OAS2: variants seen among roughly 807,000 people sequenced by gnomAD.
OAS2 encodes 2'-5'-oligoadenylate synthase 2.
OAS2 carries 67 observed loss-of-function variants against 71.3 expected under a neutral mutation model. The ratio of observed to expected loss-of-function variants is 0.94; its 90% CI spans 0.77 to 1.15. OAS2 has a LOEUF of 1.15. Ranked by LOEUF, OAS2 falls within the 50% of genes most tolerant of loss-of-function variation. The pLI, the probability that OAS2 is intolerant of heterozygous loss-of-function variation, is 0.00. For missense variants in OAS2, 789 were observed against 822.5 expected (o/e 0.96, Z 0.50); for synonymous variants, 327 against 321.8 (o/e 1.02, Z -0.17).
At chr12:112,997,778 T>C in intron 4 of OAS2, 23 bp downstream of exon 4, 1 of 1,483,802 alleles carries the variant, frequency 6.7e-7, no homozygotes, top group Non-Finnish European at 9.1e-7. Flanking sequence ...TCACACCCTA[T>C]CCCTGTACCT....
chr12:113,007,561 G>A (rs971674681), intron 8 of OAS2, 144 bp from the exon 9 acceptor site: 30 of 711,466 alleles, frequency 4.2e-5, no homozygotes, highest in Non-Finnish European at 7.5e-5. Context: ...GACTCCTGTA[G>A]GCTGTACAAT....
In OAS2 at chr12:113,005,030, A is replaced by C; in HGVS notation, c.1276A>C (p.Asn426His). The change falls in exon 7 of 10, where the codon AAC (asparagine) becomes CAC (histidine). Residue 426 changes from asparagine (N) to histidine (H), a missense_variant. Physicochemically the swap from Asn to His is moderately conservative, Grantham distance 68 (BLOSUM62 1). Transcript: ENST00000392583. ...NSLKSYTSQK[N>H]ERHKIVKEIH... The stretch of plus-strand genomic sequence containing the variant: ...ACTTAAAAGCTACACCTCCCAAAAA[A>C]ACGAGCGGCACAAAATCGTCAAGGA... The C allele has an allele frequency of 6.2e-7, 1 of 1,614,172 alleles. No homozygotes were observed. Among genetic ancestry groups the C allele is most frequent in the Non-Finnish European group, 8.5e-7 (1 of 1,180,004 alleles).
Position 112,988,663 on chromosome 12 carries a change from A to C in OAS2, c.448+1355A>C, listed in dbSNP as rs1207377095. 4 of 985,352 alleles carry C rather than the reference A, an allele frequency of 4.1e-6. No individual in the cohort carries two copies. In the Admixed American group the frequency reaches 1.8e-4, roughly 45 times the overall value. The allele number at this position is 985,352 out of a possible 1,614,324, so 61.0% of individuals were successfully genotyped here. ...CCCTACCTTTAGTGAGCACATCTGC[A>C]CATTCCAATTTTAATGACAGCTCCT... On this transcript the variant is annotated intron_variant, in intron 2 of 9. Coordinates refer to ENST00000392583, the MANE Select transcript of OAS2 (RefSeq NM_002535.3).
intron 7 of OAS2, among the ~76,000 whole-genome samples, 186 bp downstream of exon 7, chr12:113,005,408 A>G (rs1037566718): frequency 2.6e-5 from 4 of 152,056 alleles, no homozygotes; most frequent in African/African-American, 9.7e-5. Context: ...CTCTTTTCCA[A>G]GCATGGGGCT....
At chr12:112,999,526 G>A (rs2044265030) in intron 5 of OAS2, among the ~76,000 whole-genome samples, 1 of 152,186 alleles carries the variant, frequency 6.6e-6, no homozygotes, top group South Asian at 2.1e-4. Flanking sequence ...TACCAATCTG[G>A]CATGTAAATG....
At chr12:112,986,330 C>T (rs987249570) in intron 1 of OAS2, among the ~76,000 whole-genome samples, 2 of 152,132 alleles carry the variant, frequency 1.3e-5, no homozygotes, top group African/African-American at 2.4e-5. Context: ...ATGACATGTT[C>T]GGGTGCCAGT....
In OAS2 at chr12:113,006,452, A is replaced by T. The variant is rs1262110876; in HGVS notation, c.1508A>T (p.Tyr503Phe). 1 of 1,597,850 alleles carries T rather than the reference A, an allele frequency of 6.3e-7. No individual in the cohort carries two copies. Among genetic ancestry groups the T allele is most frequent in the Non-Finnish European group, 8.6e-7 (1 of 1,167,804 alleles). Reference sequence around the variant, plus strand: ...GGCTCCACACCCAGCCCCGAGGTTTATGCAGGGCTCATTGATCTGTATAAA... The same window carrying T: ...GGCTCCACACCCAGCCCCGAGGTTTTTGCAGGGCTCATTGATCTGTATAAA... ...SSGSTPSPEVYAGLIDLYKSS... is the reference protein window; with the variant it reads ...SSGSTPSPEVFAGLIDLYKSS... Residue 503 changes from tyrosine to phenylalanine, a missense_variant, in exon 8 of 10, where the codon TAT (tyrosine) becomes TTT (phenylalanine). Tyr to Phe is a conservative substitution (Grantham distance 22, BLOSUM62 3). Transcript: ENST00000392583.
intron 2 of OAS2, among the ~76,000 whole-genome samples, chr12:112,994,248 C>T (rs1312993457): frequency 1.3e-5 from 2 of 152,130 alleles, no homozygotes; most frequent in Non-Finnish European, 2.9e-5. Context: ...TTTAGTCTGT[C>T]AGGGAGAAGG....
At chr12:112,997,345 C>G (rs1057038152) in intron 3 of OAS2, among the ~76,000 whole-genome samples, 175 bp from the exon 4 acceptor site, 1 of 152,120 alleles carries the variant, frequency 6.6e-6, no homozygotes, top group Non-Finnish European at 1.5e-5. Flanking sequence ...GGTCCCTGCT[C>G]CATCCCAGTT....
chr12:113,009,968 A>G lies in OAS2; in HGVS notation c.*713A>G. ...TTTAAAGCAGGATTTCTCAACTTTG[A>G]TACTTACTCACATTTGGGGCTAGAC... On this transcript the variant is annotated 3_prime_UTR_variant, in exon 10 of 10. Transcript: ENST00000392583. 2.0e-6 allele frequency: 2 copies of G among 985,300 alleles called. No homozygotes were observed. Among genetic ancestry groups the G allele is most frequent in the Non-Finnish European group, 2.4e-6 (2 of 829,412 alleles). 61.0% of individuals were successfully genotyped at this position (985,300 alleles called of 1,614,324 possible).
Position 112,997,697 on chromosome 12 carries a change from T to C in OAS2, c.805T>C (p.Tyr269His), listed in dbSNP as rs761414133. Residue 269 changes from tyrosine (Y) to histidine (H), a missense_variant, in exon 4 of 10, where the codon TAC becomes CAC. By Grantham distance (83) the Tyr-to-His change is moderately conservative (BLOSUM62 2). Coordinates refer to ENST00000392583, the MANE Select transcript of OAS2 (RefSeq NM_002535.3). ...GCTGTGTATCTATTGGATGGTCAACTACAACTTTGAAGATGAGACCATCAG... is the reference window on the plus strand; with the variant it reads ...GCTGTGTATCTATTGGATGGTCAACCACAACTTTGAAGATGAGACCATCAG... The part of the protein sequence containing the change: ...EKLCIYWMVN[Y>H]NFEDETIRNI... 2.5e-6 allele frequency: 4 copies of C among 1,613,238 alleles called. No individual in the cohort carries two copies. The highest frequency in any genetic ancestry group is 3.3e-5 in the Admixed American group (2 of 59,886).
At chr12:112,987,552 C>T (rs1197987809) in intron 2 of OAS2, 3 of 1,394,882 alleles carry the variant, frequency 2.2e-6, no homozygotes, top group Non-Finnish European at 2.8e-6. Flanking sequence ...TAAGGCAGAG[C>T]CTTTTAAGCC....
At chr12:113,001,364 A>T (rs982413968) in intron 5 of OAS2, among the ~76,000 whole-genome samples, 2 of 101,292 alleles carry the variant, frequency 2.0e-5, no homozygotes, top group Non-Finnish European at 3.6e-5. Context: ...ATATATATAC[A>T]TATATATACA....
Position 113,010,225 on chromosome 12 carries a change from G to T in OAS2, c.*970G>T. 1 of 1,458,310 alleles carries T rather than the reference G, an allele frequency of 6.9e-7. No homozygotes were observed. Among genetic ancestry groups the T allele is most frequent in the African/African-American group, 1.4e-5 (1 of 70,376 alleles). The allele number at this position is 1,458,310 out of a possible 1,614,324, so 90.3% of individuals were successfully genotyped here. A position where few individuals can be genotyped will look rare whatever the true frequency, so the allele number is the denominator to read the frequency against. ...CCGTGGGGTTAGCTCTAATTATTAA[G>T]ATATGCATTATAAATAAATACCAAA... is the stretch of plus-strand genomic sequence containing the variant. On this transcript the variant is annotated 3_prime_UTR_variant, in exon 10 of 10. Transcript: ENST00000392583.
intron 6 of OAS2, among the ~76,000 whole-genome samples, chr12:113,004,693 T>C (rs1370335766): frequency 6.6e-6 from 1 of 152,224 alleles, no homozygotes; most frequent in Non-Finnish European, 1.5e-5. Context: ...AACTAGCCCA[T>C]CAGTTGTTCA....
intron 1 of OAS2, among the ~76,000 whole-genome samples, chr12:112,986,255 C>T (rs12422313): frequency 0.26 from 39,995 of 152,088 alleles, 5,492 homozygotes; most frequent in Admixed American, 0.32. Context: ...GTCCTCAGGC[C>T]CCCAGGCAGT....
Position 113,010,146 on chromosome 12 carries a change from G to A in OAS2, c.*891G>A. On this transcript the variant is annotated 3_prime_UTR_variant, in exon 10 of 10. Transcript: ENST00000392583. ...CCTAGGTGAGAACCCTTGCACTAGA[G>A]GAACCCTACACCCCAACCCTGGGGG... 8.0e-7 allele frequency: 1 copy of A among 1,255,458 alleles called. No homozygotes were observed. 77.8% of individuals were successfully genotyped at this position (1,255,458 alleles called of 1,614,324 possible).
At chr12:112,985,125 G>A (rs2044121474) in intron 1 of OAS2, among the ~76,000 whole-genome samples, 1 of 152,174 alleles carries the variant, frequency 6.6e-6, no homozygotes, top group Non-Finnish European at 1.5e-5. Context: ...TAATATGCCT[G>A]CAGAAGACAT....
At chr12:112,981,710 C>T (rs916034376) in intron 1 of OAS2, among the ~76,000 whole-genome samples, 6 of 151,902 alleles carry the variant, frequency 3.9e-5, no homozygotes, top group Non-Finnish European at 8.8e-5. Context: ...TTTGTGTTTC[C>T]ATACAAATTT....
Sources: gnomAD v4.1 joint callset for allele counts (sites outside exome capture counted in the v4.1 genomes callset) on GRCh38, gnomAD v4.1.1 for gene constraint, MANE v1.5 for transcripts, NCBI Gene and HGNC (gene_info 2026-07-23, HGNC 2026-07-21) for gene names.